Variants in POLR3C observed in about 807,000 individuals in gnomAD.
The protein encoded by POLR3C is DNA-directed RNA polymerase III subunit RPC3.
In POLR3C, 44 loss-of-function variants were observed where a neutral mutation model predicts 65.9. The ratio of observed to expected loss-of-function variants is 0.67; its 90% CI spans 0.52 to 0.86. The LOEUF (loss-of-function observed/expected upper bound fraction) is 0.86, where lower values mean the gene tolerates loss of function less well. POLR3C is among the 40% of genes least tolerant of loss of function. POLR3C has a pLI of 0.00. For synonymous variants in POLR3C, 263 were observed against 231.6 expected, an observed-to-expected ratio of 1.14 and a Z score of -1.23; for missense variants, 576 against 653.2, an observed-to-expected ratio of 0.88 and a Z score of 1.29.
chr1:145,830,198 A>G (rs1651184201), intron 5 of POLR3C, among the ~76,000 whole-genome samples: 1 of 130,608 alleles, frequency 7.7e-6, no homozygotes, highest in Admixed American at 7.7e-5. Context: ...GACCCAAAAC[A>G]GTTTAAAAAA....
intron 5 of POLR3C, among the ~76,000 whole-genome samples, chr1:145,831,220 TAGAG>T (rs1197999985): frequency 1.3e-5 from 2 of 152,104 alleles, no homozygotes; most frequent in Admixed American, 6.6e-5. Flanking sequence ...TGGAGCATAA[TAGAG>T]AGTTCCAGGA....
At chr1:145,830,908 A>G (rs1651253204) in intron 5 of POLR3C, among the ~76,000 whole-genome samples, 1 of 151,896 alleles carries the variant, frequency 6.6e-6, no homozygotes, top group Admixed American at 6.6e-5. Flanking sequence ...GTTTGAGACC[A>G]GCCTGGACAA....
intron 5 of POLR3C, among the ~76,000 whole-genome samples, chr1:145,832,581 A>G (rs1651425405): frequency 6.6e-6 from 1 of 152,164 alleles, no homozygotes; most frequent in Admixed American, 6.5e-5. Flanking sequence ...AACAAAAAAG[A>G]AATGTGGTGA....
intron 3 of POLR3C, 21 bp from the exon 4 acceptor site, chr1:145,826,799 C>A: frequency 6.2e-7 from 1 of 1,604,654 alleles, no homozygotes; most frequent in Non-Finnish European, 8.5e-7. Flanking sequence ...TCTCATCTGC[C>A]TTTTTCCTCC....
At position 145,844,365 on chromosome 1, in the gene POLR3C, CATT is replaced by C. The variant is rs1179192049; in HGVS notation, c.*1948_*1950del. ...CAGCAACATGGATGGAATTGGAGGT[CATT>C]ATGTTAAGTAAAATAAACCAAGCAC... On this transcript the variant is annotated 3_prime_UTR_variant, in exon 15 of 15. Coordinates refer to ENST00000334163, the MANE Select transcript of POLR3C (RefSeq NM_006468.8). 6.6e-6 allele frequency among the ~76,000 whole-genome samples: 1 copy of C among 152,136 alleles called. No homozygotes were observed. Among genetic ancestry groups the C allele is most frequent in the Non-Finnish European group, 1.5e-5 (1 of 68,036 alleles).
intron 9 of POLR3C, 135 bp downstream of exon 9, chr1:145,837,001 T>G: frequency 1.8e-6 from 1 of 548,352 alleles, no homozygotes; most frequent in Non-Finnish European, 3.2e-6. Flanking sequence ...TAAATAAATT[T>G]TTCTATGAAT....
At chr1:145,824,991 A>G (rs975252508) in intron 1 of POLR3C, among the ~76,000 whole-genome samples, 6 of 152,176 alleles carry the variant, frequency 3.9e-5, no homozygotes, top group Non-Finnish European at 8.8e-5. Flanking sequence ...TCCCATAGAG[A>G]TAAATTTGAT....
Position 145,826,961 on chromosome 1 carries a change from T to C in POLR3C, c.545T>C (p.Ile182Thr). The C allele has an allele frequency of 1.2e-6, 2 of 1,612,874 alleles. No individual in the cohort carries two copies. The highest frequency in any genetic ancestry group is 1.7e-6 in the Non-Finnish European group (2 of 1,179,730). The stretch of plus-strand genomic sequence containing the variant: ...CCACCACCTGCCCCCACACTTGTCA[T>C]TAATGAAAAGGACATGTACCTGGTT... ...GPPPPAPTLVINEKDMYLVPK... is the reference protein window; with the variant it reads ...GPPPPAPTLVTNEKDMYLVPK... The change falls in exon 4 of 15, where the codon ATT (isoleucine) becomes ACT (threonine). Residue 182 changes from isoleucine to threonine, a missense_variant. Physicochemically the swap from Ile to Thr is moderately conservative, Grantham distance 89 (BLOSUM62 -1). Transcript: ENST00000334163.
At chr1:145,827,087 T>C in intron 4 of POLR3C, 82 bp downstream of exon 4, 1 of 1,125,964 alleles carries the variant, frequency 8.9e-7, no homozygotes, top group East Asian at 2.3e-5. Flanking sequence ...AATGTGATTG[T>C]ATTTACCAAG....
At chr1:145,838,779 T>G (rs587698217) in intron 11 of POLR3C, among the ~76,000 whole-genome samples, 2 of 152,196 alleles carry the variant, frequency 1.3e-5, no homozygotes, top group Non-Finnish European at 2.9e-5. Context: ...ATTTCTGTCC[T>G]TCCTTAAGCC....
intron 5 of POLR3C, among the ~76,000 whole-genome samples, chr1:145,830,828 G>A (rs587659572): frequency 1.4e-4 from 22 of 152,000 alleles, no homozygotes; most frequent in African/African-American, 5.3e-4. Context: ...GGTTGTCTAG[G>A]CACAGTGGCT....
chr1:145,838,627 C>T (rs1237279032), intron 11 of POLR3C, among the ~76,000 whole-genome samples: 4 of 152,008 alleles, frequency 2.6e-5, no homozygotes, highest in Non-Finnish European at 5.9e-5. Flanking sequence ...GGGGAGGTTG[C>T]AGTGAGCCGA....
At chr1:145,834,508 CAAAAAAA>C (rs57975068) in intron 7 of POLR3C, among the ~76,000 whole-genome samples, 1 of 108,792 alleles carries the variant, frequency 9.2e-6, no homozygotes, top group Admixed American at 9.7e-5. Context: ...TACTAAAATA[CAAAAAAA>C]AAAAAAAAAA....
intron 4 of POLR3C, 117 bp from the exon 5 acceptor site, chr1:145,828,632 C>G (rs1213125858): frequency 1.4e-6 from 1 of 723,096 alleles, no homozygotes; most frequent in Non-Finnish European, 2.4e-6. Flanking sequence ...CCCTAAGCAA[C>G]TCTGATCTAG....
chr1:145,836,895 C>T (rs781929381), intron 9 of POLR3C, 29 bp downstream of exon 9: 1 of 1,299,878 alleles, frequency 7.7e-7, no homozygotes, highest in Non-Finnish European at 1.1e-6. Context: ...TCCTTAGAGT[C>T]AGGCAGCCTG....
intron 1 of POLR3C, chr1:145,824,599 T>C: frequency 9.1e-7 from 1 of 1,099,480 alleles, no homozygotes; most frequent in Non-Finnish European, 1.2e-6. Flanking sequence ...AGACTTGGCT[T>C]CTTAGGAATT....
intron 13 of POLR3C, among the ~76,000 whole-genome samples, 176 bp from the exon 14 acceptor site, chr1:145,840,746 A>T (rs964540618): frequency 6.6e-6 from 1 of 152,196 alleles, no homozygotes; most frequent in Admixed American, 6.5e-5. Flanking sequence ...AGGCAATAAG[A>T]ATTTCAGGAG....
intron 5 of POLR3C, among the ~76,000 whole-genome samples, chr1:145,829,174 A>G (rs587641798): frequency 1.1e-3 from 160 of 152,334 alleles, no homozygotes; most frequent in African/African-American, 3.6e-3. Context: ...CTCATATTCA[A>G]ATGCCTTCTT....
Position 145,843,004 on chromosome 1 carries a change from T to C in POLR3C, c.*584T>C, listed in dbSNP as rs185355749. ...ATTTTTTATTTATTTATTTATTTTT[T>C]TGTAGAGACAGGGCCTCCCTGTGTT... is the stretch of plus-strand genomic sequence containing the variant. On this transcript the variant is annotated 3_prime_UTR_variant, in exon 15 of 15. Transcript: ENST00000334163. 1.6e-3 allele frequency among the ~76,000 whole-genome samples: 245 copies of C among 152,264 alleles called. No homozygotes were observed. The highest frequency in any genetic ancestry group is 6.8e-3 in the Middle Eastern group (2 of 294).
Sources: allele counts gnomAD v4.1 joint callset (sites outside exome capture counted in the v4.1 genomes callset), GRCh38; gene constraint gnomAD v4.1.1; transcripts MANE v1.5; gene names NCBI Gene and HGNC (gene_info 2026-07-23, HGNC 2026-07-21).